COL14A1: variants seen among roughly 807,000 people sequenced by gnomAD.
COL14A1 encodes collagen alpha-1(XIV) chain.
COL14A1 carries 136 observed loss-of-function variants against 230.3 expected under a neutral mutation model. The ratio of observed to expected loss-of-function variants is 0.59; its 90% CI spans 0.51 to 0.68. COL14A1 has a LOEUF of 0.68. COL14A1 is among the 30% of genes least tolerant of loss of function. COL14A1 has a pLI of 0.00. For missense variants in COL14A1, 1,976 were observed against 2,215.8 expected (o/e 0.89, Z 2.17); for synonymous variants, 792 against 784.1 (o/e 1.01, Z -0.17).
Position 120,315,936 on chromosome 8 carries a change from C to G in COL14A1, c.4606-8C>G. On this transcript the variant is annotated splice_polypyrimidine_tract_variant and splice_region_variant and intron_variant, in intron 39 of 47. Transcript: ENST00000297848. ...AACCTGACTCTTTTTTGTCCCTGTT[C>G]TACACAGGGTATCCCAGGAGGCGTT... The G allele has an allele frequency of 6.2e-7, 1 of 1,613,448 alleles. No individual in the cohort carries two copies. The highest frequency in any genetic ancestry group is 8.5e-7 in the Non-Finnish European group (1 of 1,179,842).
At chr8:120,146,962 T>G (rs1442430070) in intron 1 of COL14A1, among the ~76,000 whole-genome samples, 1 of 152,082 alleles carries the variant, frequency 6.6e-6, no homozygotes, top group Non-Finnish European at 1.5e-5. Context: ...ATTTGTAGAA[T>G]GGTCTTTTAA....
chr8:120,275,121 G>A (rs901428121), intron 26 of COL14A1, among the ~76,000 whole-genome samples: 4 of 152,060 alleles, frequency 2.6e-5, no homozygotes, highest in Middle Eastern at 3.4e-3. Context: ...TACTAAAACA[G>A]CATGATACTG....
chr8:120,234,599 A>G (rs1818380336), intron 19 of COL14A1, among the ~76,000 whole-genome samples: 1 of 151,772 alleles, frequency 6.6e-6, no homozygotes, highest in Non-Finnish European at 1.5e-5. Flanking sequence ...GATTCTGTTT[A>G]TGTGATGTAT....
At chr8:120,262,327 G>A (rs1354628183) in intron 23 of COL14A1, among the ~76,000 whole-genome samples, 1 of 151,960 alleles carries the variant, frequency 6.6e-6, no homozygotes, top group Non-Finnish European at 1.5e-5. Context: ...ACACAAATTA[G>A]CTGGGCATGG....
chr8:120,200,050 CAT>C (rs1015120169), intron 8 of COL14A1, among the ~76,000 whole-genome samples: 1 of 150,538 alleles, frequency 6.6e-6, no homozygotes, highest in Non-Finnish European at 1.5e-5. Context: ...TGTGAAAAAG[CAT>C]ATATATATAT....
chr8:120,258,480 G>A (rs748126490), intron 23 of COL14A1, among the ~76,000 whole-genome samples: 3 of 152,098 alleles, frequency 2.0e-5, no homozygotes, highest in Non-Finnish European at 2.9e-5. Context: ...GTATCTGGTG[G>A]TGGTGGCTGG....
At position 120,319,381 on chromosome 8, in the gene COL14A1, C is replaced by T. The variant is rs1821354421; in HGVS notation, c.4659+3384C>T. Among the ~76,000 whole-genome samples, 8 of 151,764 alleles carry T rather than the reference C, an allele frequency of 5.3e-5. No homozygotes were observed. In the South Asian group the frequency reaches 1.7e-3, roughly 32 times the overall value. On this transcript the variant is annotated intron_variant, in intron 40 of 47. Coordinates refer to ENST00000297848, the MANE Select transcript of COL14A1 (RefSeq NM_021110.4). The stretch of plus-strand genomic sequence containing the variant: ...TAGATATGGGGGTCTTGCTGTGTTG[C>T]CCAGGGTGGTCTCAAACACCTGGCT...
chr8:120,291,642 C>T (rs562711108), intron 34 of COL14A1, among the ~76,000 whole-genome samples: 42 of 149,544 alleles, frequency 2.8e-4, no homozygotes, highest in African/African-American at 9.1e-4. Flanking sequence ...GCCCAGATCA[C>T]ATAATACTAT....
intron 34 of COL14A1, among the ~76,000 whole-genome samples, chr8:120,294,684 C>A (rs564727946): frequency 6.6e-6 from 1 of 151,402 alleles, no homozygotes; most frequent in South Asian, 2.1e-4. Flanking sequence ...GGCTTTTTTT[C>A]TCTTTTAATC....
chr8:120,250,848 C>T, intron 22 of COL14A1, 82 bp downstream of exon 22: 1 of 1,521,460 alleles, frequency 6.6e-7, no homozygotes, highest in Non-Finnish European at 8.9e-7. Flanking sequence ...CGCTCTGTCG[C>T]TCAGGCTGGA....
rs141142891 is a variant in COL14A1 at position 120,173,098 on chromosome 8, A to AT, written c.436+4856dup. On this transcript the variant is annotated intron_variant, in intron 5 of 47. Coordinates refer to ENST00000297848, the MANE Select transcript of COL14A1 (RefSeq NM_021110.4). ...CTCAAATGGTAATTTTTCTAACTCC[A>AT]TTTTTCATTCTACATTTATTATTTG... 2.6e-3 allele frequency among the ~76,000 whole-genome samples: 401 copies of AT among 152,220 alleles called. 1 individual carries two copies. Among genetic ancestry groups the AT allele is most frequent in the Non-Finnish European group, 3.6e-3 (244 of 67,994 alleles).
intron 45 of COL14A1, among the ~76,000 whole-genome samples, chr8:120,360,934 C>T (rs906865374): frequency 1.3e-5 from 2 of 152,138 alleles, no homozygotes; most frequent in Admixed American, 6.6e-5. Flanking sequence ...GAAGGGCAAA[C>T]CCCACCCCTG....
intron 23 of COL14A1, among the ~76,000 whole-genome samples, chr8:120,257,584 A>G (rs1225025441): frequency 6.6e-6 from 1 of 152,164 alleles, no homozygotes; most frequent in East Asian, 1.9e-4. Context: ...GAATGTGTTC[A>G]CCATTCTGAT....
At chr8:120,124,679 A>G (rs146073040), upstream of COL14A1, among the ~76,000 whole-genome samples, 1,512 of 152,190 alleles carry the variant, frequency 9.9e-3, 23 homozygotes, top group African/African-American at 0.035. Flanking sequence ...TATAGTGGAT[A>G]CCTGTTTCAC....
At chr8:120,148,210 G>C (rs1000960692) in intron 2 of COL14A1, among the ~76,000 whole-genome samples, 1 of 141,628 alleles carries the variant, frequency 7.1e-6, no homozygotes, top group Middle Eastern at 3.9e-3. Flanking sequence ...TTGGCTCACT[G>C]CAACCTCTAC....
intron 42 of COL14A1, among the ~76,000 whole-genome samples, chr8:120,340,749 A>T (rs1715175463): frequency 6.6e-6 from 1 of 152,204 alleles, no homozygotes; most frequent in South Asian, 2.1e-4. Flanking sequence ...ATCAATTGAG[A>T]AGTCACATAA....
At chr8:120,287,508 C>G (rs1378750285) in intron 33 of COL14A1, among the ~76,000 whole-genome samples, 4 of 152,112 alleles carry the variant, frequency 2.6e-5, no homozygotes. Flanking sequence ...CATTTTAGCC[C>G]ATGGTTTAGG....
At position 120,371,133 on chromosome 8, in the gene COL14A1, C is replaced by T; in HGVS notation, c.5312-19C>T. 1.3e-6 allele frequency: 2 copies of T among 1,586,870 alleles called. No individual in the cohort carries two copies. The highest frequency in any genetic ancestry group is 1.7e-6 in the Non-Finnish European group (2 of 1,167,798). On this transcript the variant is annotated intron_variant, in intron 47 of 47. Coordinates refer to ENST00000297848, the MANE Select transcript of COL14A1 (RefSeq NM_021110.4). The stretch of plus-strand genomic sequence containing the variant: ...ATTCCTGGGTGCAGCAAGTCCCCAC[C>T]CCCACTTTTCCTCTTTAGCTCCCCA...
In COL14A1 at chr8:120,270,181, C is replaced by A. The variant is rs199616941; in HGVS notation, c.3213+7C>A. On this transcript the variant is annotated splice_region_variant and intron_variant, in intron 26 of 47. Transcript: ENST00000297848. ...TGGCACAGATGGAACCCAAGTAAGGCTAATAAATAATTAATTCATTCTATG... is the reference window on the plus strand; with the variant it reads ...TGGCACAGATGGAACCCAAGTAAGGATAATAAATAATTAATTCATTCTATG... 1.2e-6 allele frequency: 2 copies of A among 1,605,838 alleles called. No individual in the cohort carries two copies. The highest frequency in any genetic ancestry group is 1.7e-6 in the Non-Finnish European group (2 of 1,175,870).
Sources: allele counts gnomAD v4.1 joint callset (sites outside exome capture counted in the v4.1 genomes callset), GRCh38; gene constraint gnomAD v4.1.1; transcripts MANE v1.5; gene names NCBI Gene and HGNC (gene_info 2026-07-23, HGNC 2026-07-21).